Variants in GNS observed in about 807,000 individuals in gnomAD.
GNS encodes the protein glucosamine (N-acetyl)-6-sulfatase.
A neutral mutation model predicts 69.7 loss-of-function variants in GNS; 40 were observed. That is an observed-to-expected ratio of 0.57 (90% CI 0.45 to 0.75). The LOEUF is 0.75. Among genes scored for constraint, GNS ranks in the 30% least tolerant of loss-of-function variants. The pLI, the probability that GNS is intolerant of heterozygous loss-of-function variation, is 0.00. For missense variants in GNS, 565 were observed against 685.5 expected (o/e 0.82, Z 1.96); for synonymous variants, 243 against 251.6 (o/e 0.97, Z 0.32).
chr12:64,719,682 C>G (rs1020183999), intron 13 of GNS, among the ~76,000 whole-genome samples: 1 of 152,124 alleles, frequency 6.6e-6, no homozygotes, highest in Non-Finnish European at 1.5e-5. Flanking sequence ...AACAGGTGAA[C>G]AGGGCAGCAG....
chr12:64,729,321 A>C, intron 9 of GNS: 1 of 422,992 alleles, frequency 2.4e-6, no homozygotes, highest in Non-Finnish European at 4.3e-6. Flanking sequence ...ATTGATCAAA[A>C]TGTTTTTTGA....
chr12:64,720,199 A>C lies in GNS; in HGVS notation c.1420-17T>G. On this transcript the variant is annotated splice_polypyrimidine_tract_variant and intron_variant, in intron 12 of 13. Coordinates refer to ENST00000258145, the MANE Select transcript of GNS (RefSeq NM_002076.4). ...TACAAACACCTAGAGGACATGAAAG[A>C]ATGGAGGAAAGAAAAGAGCAAAGGT... 1 of 1,556,500 alleles carries C rather than the reference A, an allele frequency of 6.4e-7. No homozygotes were observed. Among genetic ancestry groups the C allele is most frequent in the South Asian group, 1.1e-5 (1 of 89,932 alleles).
At position 64,714,031 on chromosome 12, in the gene GNS, A is replaced by C. The variant is rs1447371724; in HGVS notation, c.*2710T>G. 1.3e-5 allele frequency: 2 copies of C among 152,180 alleles called. No individual in the cohort carries two copies. The highest frequency in any genetic ancestry group is 4.8e-5 in the African/African-American group (2 of 41,438). The allele number at this position is 152,180 out of a possible 1,614,324, so 9.4% of individuals were successfully genotyped here. A position where few individuals can be genotyped will look rare whatever the true frequency, so the allele number is the denominator to read the frequency against. ...GTAATCTCAGCTACTTGGGAGGCTG[A>C]GGCAGGAGAACTGCTGGAACCCAGG... On this transcript the variant is annotated 3_prime_UTR_variant, in exon 14 of 14. Coordinates refer to ENST00000258145, the MANE Select transcript of GNS (RefSeq NM_002076.4).
intron 9 of GNS, among the ~76,000 whole-genome samples, chr12:64,733,388 G>A (rs1385382670): frequency 7.0e-6 from 1 of 143,702 alleles, no homozygotes; most frequent in Non-Finnish European, 1.5e-5. Flanking sequence ...TGCTCTGAAA[G>A]AATGACACTT....
intron 1 of GNS, among the ~76,000 whole-genome samples, chr12:64,757,137 C>T (rs569718618): frequency 6.6e-6 from 1 of 152,118 alleles, no homozygotes; most frequent in African/African-American, 2.4e-5. Flanking sequence ...CTTGATTGTA[C>T]CACTGCACTC....
chr12:64,728,695 C>T (rs1024359622), intron 10 of GNS, among the ~76,000 whole-genome samples: 1 of 152,114 alleles, frequency 6.6e-6, no homozygotes, highest in African/African-American at 2.4e-5. Context: ...ACTAATGACT[C>T]TTTTTTATGT....
chr12:64,719,376 T>C (rs1868953680), intron 13 of GNS, among the ~76,000 whole-genome samples: 1 of 152,160 alleles, frequency 6.6e-6, no homozygotes, highest in Non-Finnish European at 1.5e-5. Flanking sequence ...AAAAGATAAA[T>C]GACAAGGTTC....
At chr12:64,755,895 C>T (rs1870236236) in intron 1 of GNS, among the ~76,000 whole-genome samples, 1 of 151,998 alleles carries the variant, frequency 6.6e-6, no homozygotes, top group Admixed American at 6.6e-5. Flanking sequence ...TCCTGAACTC[C>T]TGACCTCGTG....
intron 10 of GNS, among the ~76,000 whole-genome samples, chr12:64,724,629 G>C (rs1331263562): frequency 6.6e-6 from 1 of 152,104 alleles, no homozygotes; most frequent in African/African-American, 2.4e-5. Flanking sequence ...AGGCCGAGGT[G>C]GGTGGATCAC....
chr12:64,725,444 G>A (rs1460779151), intron 10 of GNS, among the ~76,000 whole-genome samples: 1 of 152,214 alleles, frequency 6.6e-6, no homozygotes, highest in Non-Finnish European at 1.5e-5. Flanking sequence ...GATCTTTGCT[G>A]TTCAATATGA....
rs867153534 is a variant in GNS, at chr12:64,714,042, C to G, written c.*2699G>C. 6.6e-6 allele frequency: 1 copy of G among 152,056 alleles called. No individual in the cohort carries two copies. Among genetic ancestry groups the G allele is most frequent in the Non-Finnish European group, 1.5e-5 (1 of 68,020 alleles). 9.4% of individuals were successfully genotyped at this position (152,056 alleles called of 1,614,324 possible). On this transcript the variant is annotated 3_prime_UTR_variant, in exon 14 of 14. Transcript: ENST00000258145. ...TACTTGGGAGGCTGAGGCAGGAGAA[C>G]TGCTGGAACCCAGGAGGTGGAAGTT...
chr12:64,739,333 A>G, intron 8 of GNS, 48 bp downstream of exon 8: 1 of 944,754 alleles, frequency 1.1e-6, no homozygotes, highest in Non-Finnish European at 1.8e-6. Flanking sequence ...GTGAAAAAGG[A>G]AAGACATATT....
intron 1 of GNS, among the ~76,000 whole-genome samples, chr12:64,758,798 C>T (rs917743737): frequency 6.6e-5 from 10 of 152,198 alleles, no homozygotes; most frequent in Non-Finnish European, 1.5e-5. Context: ...TTCAACCCAT[C>T]CTCCACTGGT....
At chr12:64,728,892 T>C (rs981719714) in intron 10 of GNS, 64 bp downstream of exon 10, 36 of 809,426 alleles carry the variant, frequency 4.4e-5, no homozygotes, top group Non-Finnish European at 7.8e-5. Flanking sequence ...AATGCTTAAG[T>C]CTTTACACAA....
At chr12:64,724,344 G>A (rs139987826) in intron 10 of GNS, among the ~76,000 whole-genome samples, 75 of 152,326 alleles carry the variant, frequency 4.9e-4, no homozygotes, top group African/African-American at 1.7e-3. Context: ...AGGCAATTCT[G>A]GGGAATGCCT....
chr12:64,721,489 T>A lies in GNS; in HGVS notation c.1419+106A>T. Reference sequence around the variant, plus strand: ...TGAAGCACAGATAAGAAACACAACCTCTTCCCTAGGGAGCAGCCTTGGAAT... The same window carrying A: ...TGAAGCACAGATAAGAAACACAACCACTTCCCTAGGGAGCAGCCTTGGAAT... On this transcript the variant is annotated intron_variant, in intron 12 of 13. Coordinates refer to ENST00000258145, the MANE Select transcript of GNS (RefSeq NM_002076.4). 5.3e-6 allele frequency: 4 copies of A among 754,220 alleles called. No individual in the cohort carries two copies. The East Asian group carries it at 1.0e-4, about 19-fold the overall frequency. The allele number at this position is 754,220 out of a possible 1,614,324, so 46.7% of individuals were successfully genotyped here.
Position 64,716,649 on chromosome 12 carries a change from G to A in GNS, c.*92C>T, listed in dbSNP as rs1245942386. The A allele has an allele frequency of 1.5e-5, 13 of 871,400 alleles. No homozygotes were observed. Among genetic ancestry groups the A allele is most frequent in the East Asian group, 7.3e-5 (3 of 40,844 alleles). The allele number at this position is 871,400 out of a possible 1,614,324, so 54.0% of individuals were successfully genotyped here. On this transcript the variant is annotated 3_prime_UTR_variant, in exon 14 of 14. Coordinates refer to ENST00000258145, the MANE Select transcript of GNS (RefSeq NM_002076.4). ...AGCCAGCCCAGAAACTCTTCCAGGT[G>A]TGGTCTTGAAGACTAGCTACAGACA...
chr12:64,744,497 G>A (rs1253912729), intron 5 of GNS, among the ~76,000 whole-genome samples: 1 of 152,002 alleles, frequency 6.6e-6, no homozygotes, highest in Admixed American at 6.6e-5. Flanking sequence ...GTAAAACCGG[G>A]GTCAAGAGTA....
rs942417762 is a variant in GNS at position 64,720,322 on chromosome 12, T to G, written c.1420-140A>C. 21 of 682,330 alleles carry G rather than the reference T, an allele frequency of 3.1e-5. No individual in the cohort carries two copies. In the Admixed American group the frequency reaches 3.4e-4, roughly 11 times the overall value. The allele number at this position is 682,330 out of a possible 1,614,324, so 42.3% of individuals were successfully genotyped here. ...AAATCAAGGCCCTGGAGACTCTCAA[T>G]CTGTTTTCAAGATCCTCAAAGAGCT... On this transcript the variant is annotated intron_variant, in intron 12 of 13. Transcript: ENST00000258145.
Sources: allele counts gnomAD v4.1 joint callset (sites outside exome capture counted in the v4.1 genomes callset), GRCh38; gene constraint gnomAD v4.1.1; transcripts MANE v1.5; gene names NCBI Gene and HGNC (gene_info 2026-07-23, HGNC 2026-07-21).